The following PIGU variants were observed in gnomAD, a reference collection of about 807,000 sequenced individuals.
The protein encoded by PIGU is GPI-anchor transamidase component PIGU.
In PIGU, 24 loss-of-function variants were observed where a neutral mutation model predicts 49.9. The observed-to-expected ratio is 0.48, with a 90% CI of 0.35 to 0.68. PIGU has a LOEUF of 0.68. PIGU is among the 30% of genes least tolerant of loss of function. PIGU has a pLI of 0.01. For synonymous variants in PIGU, 220 were observed against 205.7 expected, an observed-to-expected ratio of 1.07 and a Z score of -0.59; for missense variants, 490 against 532.6, an observed-to-expected ratio of 0.92 and a Z score of 0.79.
chr20:34,562,323 C>T, intron 11 of PIGU: 1 of 820,120 alleles, frequency 1.2e-6, no homozygotes, highest in Non-Finnish European at 1.5e-6. Context: ...CCACCTGGCA[C>T]AGATGGGGAG....
chr20:34,571,407 T>A (rs939165854), intron 11 of PIGU, among the ~76,000 whole-genome samples: 1 of 151,674 alleles, frequency 6.6e-6, no homozygotes, highest in African/African-American at 2.4e-5. Flanking sequence ...GAGCAGGATT[T>A]AAAAAAAAAT....
rs1986257826 is a variant in PIGU, at chr20:34,644,202, C to T, written c.280G>A (p.Ala94Thr). 7 of 1,610,246 alleles carry T rather than the reference C, an allele frequency of 4.3e-6. No individual in the cohort carries two copies. The East Asian group carries it at 1.6e-4, about 36-fold the overall frequency. The change falls in exon 4 of 12, where the codon GCC becomes ACC. Residue 94 changes from alanine (A) to threonine (T), a missense_variant. Coordinates refer to ENST00000217446, the MANE Select transcript of PIGU (RefSeq NM_080476.5). ...AAGTCCTGGATTGCAAAATACAGGG[C>T]AATAGCAGTGAGTGCATCAGTTATC... is the stretch of plus-strand genomic sequence containing the variant. Reference protein sequence around the residue: ...FMITDALTAIALYFAIQDFNK... With the variant: ...FMITDALTAITLYFAIQDFNK...
intron 11 of PIGU, among the ~76,000 whole-genome samples, chr20:34,570,431 T>C (rs1357336658): frequency 6.6e-6 from 1 of 152,076 alleles, no homozygotes; most frequent in African/African-American, 2.4e-5. Context: ...TTATTTTTTT[T>C]TGAGACACAG....
intron 7 of PIGU, among the ~76,000 whole-genome samples, chr20:34,601,215 T>C (rs1984410419): frequency 6.6e-6 from 1 of 152,204 alleles, no homozygotes; most frequent in South Asian, 2.1e-4. Flanking sequence ...TGATTTTTTT[T>C]CTTGGCAAAC....
At chr20:34,640,468 T>C (rs1986114923) in intron 4 of PIGU, among the ~76,000 whole-genome samples, 1 of 151,378 alleles carries the variant, frequency 6.6e-6, no homozygotes, top group Non-Finnish European at 1.5e-5. Context: ...TCAATGGAAA[T>C]TTTTAAAATT....
chr20:34,563,120 A>G (rs917454439), intron 11 of PIGU, among the ~76,000 whole-genome samples: 2 of 152,194 alleles, frequency 1.3e-5, no homozygotes, highest in African/African-American at 4.8e-5. Context: ...ATTTCATATG[A>G]TCCAACCTAA....
rs1204957696 is a variant in PIGU at position 34,654,873 on chromosome 20, C to T, written c.195+2307G>A. 4.3e-5 allele frequency among the ~76,000 whole-genome samples: 5 copies of T among 116,366 alleles called. 1 individual carries two copies. Among genetic ancestry groups the T allele is most frequent in the Non-Finnish European group, 7.3e-5 (4 of 55,060 alleles). 76.3% of individuals were successfully genotyped at this position (116,366 alleles called of 152,430 possible). A position where few individuals can be genotyped will look rare whatever the true frequency, so the allele number is the denominator to read the frequency against. On this transcript the variant is annotated intron_variant, in intron 2 of 11. Transcript: ENST00000217446. The stretch of plus-strand genomic sequence containing the variant: ...TACAAAAATTAGCCAGGCATGGTGG[C>T]GCGTGCCTGTGGTCCCAGCTTCTCG...
intron 6 of PIGU, among the ~76,000 whole-genome samples, chr20:34,627,411 C>A (rs1380099295): frequency 6.6e-6 from 1 of 151,682 alleles, no homozygotes; most frequent in Non-Finnish European, 1.5e-5. Flanking sequence ...ACGAAAATGT[C>A]TATGAATTCA....
At chr20:34,598,734 C>T (rs1020741191) in intron 7 of PIGU, among the ~76,000 whole-genome samples, 1 of 152,194 alleles carries the variant, frequency 6.6e-6, no homozygotes, top group African/African-American at 2.4e-5. Context: ...TCACATCAGG[C>T]AACCAGAAAT....
At chr20:34,671,514 C>T (rs1987305243) in intron 1 of PIGU, among the ~76,000 whole-genome samples, 2 of 152,160 alleles carry the variant, frequency 1.3e-5, no homozygotes, top group South Asian at 4.2e-4. Context: ...CCACCCACCT[C>T]GGCCTCCCAA....
intron 4 of PIGU, among the ~76,000 whole-genome samples, chr20:34,639,558 G>A (rs1986084295): frequency 6.6e-6 from 1 of 151,838 alleles, no homozygotes; most frequent in Non-Finnish European, 1.5e-5. Flanking sequence ...GAGAGCTGTA[G>A]GAGTAAATTT....
chr20:34,646,898 T>C (rs902970740), intron 2 of PIGU, among the ~76,000 whole-genome samples: 15 of 151,358 alleles, frequency 9.9e-5, no homozygotes, highest in Non-Finnish European at 1.9e-4. Context: ...TCTCGCTTGC[T>C]GCAAGATCCT....
chr20:34,671,766 A>G (rs1277871514), intron 1 of PIGU, among the ~76,000 whole-genome samples: 1 of 151,890 alleles, frequency 6.6e-6, no homozygotes, highest in Non-Finnish European at 1.5e-5. Context: ...CTAAAAACAC[A>G]AAATTAGCCA....
chr20:34,565,813 TCA>T (rs10582086), intron 11 of PIGU, among the ~76,000 whole-genome samples: 65,625 of 148,026 alleles, frequency 0.44, 14,815 homozygotes, highest in Non-Finnish European at 0.5. Context: ...CTTGCACTGC[TCA>T]CACAGGCTCG....
intron 3 of PIGU, 69 bp downstream of exon 3, chr20:34,645,202 AAGAG>A (rs969846079): frequency 4.3e-5 from 57 of 1,334,844 alleles, no homozygotes; most frequent in African/African-American, 3.8e-4. Context: ...AAAAAAAAAA[AAGAG>A]AGAGAGAGAC....
At chr20:34,592,437 G>GAA (rs11475377) in intron 7 of PIGU, among the ~76,000 whole-genome samples, 1 of 120,418 alleles carries the variant, frequency 8.3e-6, no homozygotes, top group Non-Finnish European at 1.7e-5. Flanking sequence ...GAATAATTAA[G>GAA]AAAAAAAAAA....
chr20:34,659,219 C>A (rs1471907863), intron 1 of PIGU, among the ~76,000 whole-genome samples: 3 of 136,244 alleles, frequency 2.2e-5, no homozygotes, highest in Non-Finnish European at 4.8e-5. Flanking sequence ...GTCAGCCCCC[C>A]GCCCGGCCAG....
intron 11 of PIGU, among the ~76,000 whole-genome samples, chr20:34,565,845 T>C (rs114826941): frequency 3.2e-5 from 1 of 31,548 alleles, no homozygotes; most frequent in South Asian, 5.2e-4. Context: ...CACACACAGG[T>C]GCACACACAC....
At chr20:34,619,753 T>G (rs558551379) in intron 6 of PIGU, among the ~76,000 whole-genome samples, 1 of 152,194 alleles carries the variant, frequency 6.6e-6, no homozygotes, top group Non-Finnish European at 1.5e-5. Context: ...CCTAGCCAAA[T>G]GGACTTGTGA....
Sources: allele counts gnomAD v4.1 joint callset (sites outside exome capture counted in the v4.1 genomes callset), GRCh38; gene constraint gnomAD v4.1.1; transcripts MANE v1.5; gene names NCBI Gene and HGNC (gene_info 2026-07-23, HGNC 2026-07-21).